Variants in FAM120A observed in about 807,000 individuals in gnomAD.
FAM120A encodes the protein family with sequence similarity 120 member A, also known as constitutive coactivator of PPAR-gamma-like protein 1.
In FAM120A, 15 loss-of-function variants were observed where a neutral mutation model predicts 109.7. The ratio of observed to expected loss-of-function variants is 0.14; its 90% CI spans 0.09 to 0.21. FAM120A has a LOEUF of 0.21. FAM120A is among the 10% of genes least tolerant of loss of function. The probability of loss-of-function intolerance (pLI) is 1.00; values close to 1 mark genes in which losing one functional copy is unlikely to be tolerated. For synonymous variants in FAM120A, 493 were observed against 572.8 expected (o/e 0.86, Z 1.99); for missense variants, 899 against 1,439.3 (o/e 0.62, Z 6.07).
At chr9:93,563,485 A>G (rs1473490021) in intron 17 of FAM120A, among the ~76,000 whole-genome samples, 5 of 152,230 alleles carry the variant, frequency 3.3e-5, no homozygotes, top group Non-Finnish European at 7.3e-5. Context: ...TGAAGACAAC[A>G]TGATGTTTGT....
intron 1 of FAM120A, chr9:93,453,036 A>C: frequency 8.7e-7 from 1 of 1,149,788 alleles, no homozygotes; most frequent in Non-Finnish European, 1.1e-6. Flanking sequence ...GTTAGATTTC[A>C]AAGACCCGTG....
At chr9:93,499,726 A>G (rs1384648483) in intron 5 of FAM120A, among the ~76,000 whole-genome samples, 2 of 152,278 alleles carry the variant, frequency 1.3e-5, no homozygotes, top group Non-Finnish European at 2.9e-5. Context: ...AGTATGAGAA[A>G]TAGACCCCAA....
chr9:93,556,356 T>C, intron 12 of FAM120A, 26 bp from the exon 13 acceptor site: 1 of 1,585,566 alleles, frequency 6.3e-7, no homozygotes, highest in Non-Finnish European at 8.7e-7. Context: ...TCTTATTCCA[T>C]AGAAATTACT....
At chr9:93,471,013 A>G (rs1858286052) in intron 1 of FAM120A, 128 bp from the exon 2 acceptor site, 1 of 1,115,864 alleles carries the variant, frequency 9.0e-7, no homozygotes, top group Non-Finnish European at 1.3e-6. Flanking sequence ...CATTTTTTTG[A>G]CTGTTTGGCT....
In FAM120A at chr9:93,471,199, G is replaced by C. The variant is rs776687072; in HGVS notation, c.533G>C (p.Gly178Ala). ...GTGATTGGTTTCTGCAGAGAGAATG[G>C]TTTCCATGGCTTGGTTGCGTATGAC... Reference protein sequence around the residue: ...QEVIGFCRENGFHGLVAYDSD... With the variant: ...QEVIGFCRENAFHGLVAYDSD... Residue 178 changes from glycine (G) to alanine (A), a missense_variant, in exon 2 of 18, where the codon GGT becomes GCT. Gly to Ala is a moderately conservative substitution (Grantham distance 60). This residue lies in a region of FAM120A where 258 missense variants were observed against 451.4 expected (regional missense o/e 0.57). Coordinates refer to ENST00000277165, the MANE Select transcript of FAM120A (RefSeq NM_014612.5). 5 of 1,613,994 alleles carry C rather than the reference G, an allele frequency of 3.1e-6. No individual in the cohort carries two copies. Among genetic ancestry groups the C allele is most frequent in the Non-Finnish European group, 4.2e-6 (5 of 1,180,030 alleles).
chr9:93,512,225 G>T (rs1860351597), intron 5 of FAM120A, among the ~76,000 whole-genome samples: 1 of 152,214 alleles, frequency 6.6e-6, no homozygotes, highest in Admixed American at 6.5e-5. Context: ...GGGGACTGGG[G>T]TAAGGCCGAC....
chr9:93,546,072 C>T (rs967081354), intron 11 of FAM120A, among the ~76,000 whole-genome samples: 1 of 152,014 alleles, frequency 6.6e-6, no homozygotes, highest in Non-Finnish European at 1.5e-5. Context: ...AGACATGAGC[C>T]ACCGCACCTG....
rs372351683 is a variant in FAM120A at position 93,552,717 on chromosome 9, G to C, written c.2274+2026G>C. ...TGATAGAAAATTAAATTCTAAAATT[G>C]CCTTTTCATTTAACCATTAAAATTT... On this transcript the variant is annotated intron_variant, in intron 12 of 17. Coordinates refer to ENST00000277165, the MANE Select transcript of FAM120A (RefSeq NM_014612.5). Among the ~76,000 whole-genome samples, 5 of 152,294 alleles carry C rather than the reference G, an allele frequency of 3.3e-5. No homozygotes were observed. The East Asian group carries it at 5.8e-4, about 18-fold the overall frequency.
chr9:93,492,058 A>G (rs1281267951), intron 3 of FAM120A, among the ~76,000 whole-genome samples: 1 of 152,170 alleles, frequency 6.6e-6, no homozygotes, highest in Non-Finnish European at 1.5e-5. Flanking sequence ...GGGAAAGTTT[A>G]GCAACACTGC....
chr9:93,471,510 C>T (rs948426924), intron 2 of FAM120A, 123 bp downstream of exon 2: 4 of 1,216,178 alleles, frequency 3.3e-6, no homozygotes, highest in Admixed American at 2.2e-5. Context: ...AGAACCAAGG[C>T]GTGGGCTCTT....
At chr9:93,470,513 T>G (rs1858261995) in intron 1 of FAM120A, among the ~76,000 whole-genome samples, 1 of 152,150 alleles carries the variant, frequency 6.6e-6, no homozygotes, top group African/African-American at 2.4e-5. Context: ...GCAATTGATA[T>G]AGACCTAGTC....
intron 1 of FAM120A, among the ~76,000 whole-genome samples, chr9:93,464,425 T>C (rs1334804262): frequency 2.0e-5 from 3 of 152,240 alleles, no homozygotes; most frequent in Admixed American, 6.5e-5. Context: ...TTCTTAAACT[T>C]GTCAACACTA....
Position 93,471,330 on chromosome 9 carries a change from G to A in FAM120A, c.664G>A (p.Val222Ile). 1 of 1,614,202 alleles carries A rather than the reference G, an allele frequency of 6.2e-7. No individual in the cohort carries two copies. The highest frequency in any genetic ancestry group is 8.5e-7 in the Non-Finnish European group (1 of 1,180,036). ...LTTSQYLMHE[V>I]AKQLDLNPNR... ...CACAAGCCAATATCTGATGCATGAA[G>A]TTGCCAAGCAACTGGACCTGAATCC... The change falls in exon 2 of 18, where the codon GTT becomes ATT. Residue 222 changes from valine to isoleucine, a missense_variant. By Grantham distance (29) the Val-to-Ile change is conservative. Coordinates refer to ENST00000277165, the MANE Select transcript of FAM120A (RefSeq NM_014612.5).
At chr9:93,471,075 C>A in intron 1 of FAM120A, 66 bp from the exon 2 acceptor site, 1 of 1,554,914 alleles carries the variant, frequency 6.4e-7, no homozygotes, top group Non-Finnish European at 8.7e-7. Flanking sequence ...GCAAACATTT[C>A]TGCTTATTGA....
intron 7 of FAM120A, among the ~76,000 whole-genome samples, chr9:93,520,053 G>T (rs1329380971): frequency 6.6e-6 from 1 of 152,018 alleles, no homozygotes; most frequent in Non-Finnish European, 1.5e-5. Context: ...TGTATTATTT[G>T]TAGTTATGGG....
intron 3 of FAM120A, among the ~76,000 whole-genome samples, chr9:93,495,746 G>A (rs1375460129): frequency 6.6e-6 from 1 of 152,216 alleles, no homozygotes; most frequent in Admixed American, 6.5e-5. Context: ...GTTGCTGGAG[G>A]TTGGGGTGGC....
chr9:93,556,975 T>A lies in FAM120A; in HGVS notation c.2484+384T>A, dbSNP rs184021975. Reference sequence around the variant, plus strand: ...TAAAGACACCTTATATAATATGGATTGTTGATTCATTATTATTGAACTCAC... The same window carrying A: ...TAAAGACACCTTATATAATATGGATAGTTGATTCATTATTATTGAACTCAC... On this transcript the variant is annotated intron_variant, in intron 13 of 17. Transcript: ENST00000277165. 2.6e-5 allele frequency among the ~76,000 whole-genome samples: 4 copies of A among 152,314 alleles called. No individual in the cohort carries two copies. In the East Asian group the frequency reaches 7.7e-4, roughly 29 times the overall value.
chr9:93,478,472 T>C (rs562421866), intron 3 of FAM120A, among the ~76,000 whole-genome samples: 1 of 152,280 alleles, frequency 6.6e-6, no homozygotes, highest in East Asian at 1.9e-4. Flanking sequence ...TTGCATTTGT[T>C]AGCCACTTTA....
At chr9:93,504,266 G>A (rs1243716279) in intron 5 of FAM120A, among the ~76,000 whole-genome samples, 1 of 152,148 alleles carries the variant, frequency 6.6e-6, no homozygotes, top group African/African-American at 2.4e-5. Flanking sequence ...TGCTGAGAGC[G>A]GCAGTGCAGT....
Sources: gnomAD v4.1 joint callset for allele counts (sites outside exome capture counted in the v4.1 genomes callset) on GRCh38, gnomAD v4.1.1 for gene constraint, gnomAD v4.1.1 regional missense constraint, MANE v1.5 for transcripts, NCBI Gene and HGNC (gene_info 2026-07-23, HGNC 2026-07-21) for gene names.